The following ZNF804B variants were observed in gnomAD, a reference collection of about 807,000 sequenced individuals.
ZNF804B encodes zinc finger protein 804B.
Under a neutral mutation model 101.4 loss-of-function variants are expected in ZNF804B, and 80 were observed. The ratio of observed to expected loss-of-function variants is 0.79; its 90% CI spans 0.66 to 0.95. The LOEUF (loss-of-function observed/expected upper bound fraction) is 0.95. Among genes scored for constraint, ZNF804B ranks in the 40% least tolerant of loss-of-function variants. The pLI is 0.00. For synonymous variants in ZNF804B, 622 were observed against 558.8 expected, an observed-to-expected ratio of 1.11 and a Z score of -1.59; for missense variants, 1,673 against 1,561.9, an observed-to-expected ratio of 1.07 and a Z score of -1.20.
At chr7:89,067,774 T>C (rs955884695) in intron 1 of ZNF804B, among the ~76,000 whole-genome samples, 2 of 152,112 alleles carry the variant, frequency 1.3e-5, no homozygotes, top group Middle Eastern at 3.4e-3. Context: ...TCATATTCTA[T>C]CTGTGTGACT....
chr7:89,074,534 T>C (rs1789587952), intron 1 of ZNF804B, among the ~76,000 whole-genome samples: 1 of 152,206 alleles, frequency 6.6e-6, no homozygotes, highest in South Asian at 2.1e-4. Flanking sequence ...CTCCTCCTTG[T>C]CTTCCACCAC....
intron 1 of ZNF804B, among the ~76,000 whole-genome samples, chr7:89,009,532 C>G (rs1389821403): frequency 6.6e-6 from 1 of 152,156 alleles, no homozygotes; most frequent in Non-Finnish European, 1.5e-5. Flanking sequence ...TGTGTCCCCT[C>G]AAGTTCAAAT....
In ZNF804B at chr7:88,873,324, T is replaced by G. The variant is rs184989510; in HGVS notation, c.108+113240T>G. Among the ~76,000 whole-genome samples the G allele has an allele frequency of 3.7e-3, 560 of 152,302 alleles. 4 individuals carry two copies. Among genetic ancestry groups the G allele is most frequent in the Admixed American group, 6.0e-3 (92 of 15,298 alleles). ...ACACTTTTTGATGGGGTTGTTTGAT[T>G]TTTCTTGTAAATTTGTTTGAGTTCA... On this transcript the variant is annotated intron_variant, in intron 1 of 3. Transcript: ENST00000333190.
intron 1 of ZNF804B, among the ~76,000 whole-genome samples, chr7:89,194,745 G>A (rs1219044085): frequency 6.6e-6 from 1 of 151,122 alleles, no homozygotes; most frequent in African/African-American, 2.4e-5. Context: ...GTCAGGTAGT[G>A]TGATGCCTCC....
intron 1 of ZNF804B, among the ~76,000 whole-genome samples, chr7:89,093,352 C>G (rs1416936011): frequency 6.6e-6 from 1 of 152,194 alleles, no homozygotes; most frequent in Non-Finnish European, 1.5e-5. Flanking sequence ...TTTCCCTTTT[C>G]CTCTACCCTT....
intron 1 of ZNF804B, among the ~76,000 whole-genome samples, chr7:89,032,494 CTTTCT>C (rs989167808): frequency 1.6e-4 from 25 of 152,142 alleles, no homozygotes; most frequent in African/African-American, 6.0e-4. Context: ...GGTTTACTTA[CTTTCT>C]TTTCTTCATT....
intron 1 of ZNF804B, among the ~76,000 whole-genome samples, chr7:89,122,577 G>C (rs918763379): frequency 6.6e-6 from 1 of 151,984 alleles, no homozygotes; most frequent in African/African-American, 2.4e-5. Context: ...CTTGTCCTGC[G>C]GTTGCTGTTG....
intron 1 of ZNF804B, among the ~76,000 whole-genome samples, chr7:89,155,344 C>T (rs1790942075): frequency 6.6e-6 from 1 of 152,090 alleles, no homozygotes; most frequent in South Asian, 2.1e-4. Context: ...TTCGAACAGC[C>T]TCTAATTTTA....
chr7:89,018,591 ATTG>A lies in ZNF804B; in HGVS notation c.109-199561_109-199559del, dbSNP rs1035248087. 2.6e-5 allele frequency among the ~76,000 whole-genome samples: 4 copies of A among 152,080 alleles called. No individual in the cohort carries two copies. In the South Asian group the frequency reaches 6.2e-4, roughly 24 times the overall value. ...CAATTTTTGGAATCGTTTGAGAAGA[ATTG>A]TTATTAGTTTTTCAAAATTTTGATA... On this transcript the variant is annotated intron_variant, in intron 1 of 3. Coordinates refer to ENST00000333190, the MANE Select transcript of ZNF804B (RefSeq NM_181646.5).
At chr7:89,088,495 A>G (rs1789839174) in intron 1 of ZNF804B, among the ~76,000 whole-genome samples, 2 of 151,572 alleles carry the variant, frequency 1.3e-5, no homozygotes, top group Non-Finnish European at 2.9e-5. Context: ...AAAGCAATGT[A>G]TTGTGAGTCA....
chr7:88,961,765 G>A (rs1472306707), intron 1 of ZNF804B, among the ~76,000 whole-genome samples: 2 of 151,246 alleles, frequency 1.3e-5, no homozygotes, highest in African/African-American at 4.8e-5. Flanking sequence ...AAAAAGTAAA[G>A]AAAAATGATG....
At chr7:89,081,664 T>C (rs1158084012) in intron 1 of ZNF804B, among the ~76,000 whole-genome samples, 2 of 151,716 alleles carry the variant, frequency 1.3e-5, no homozygotes, top group South Asian at 2.1e-4. Context: ...ATCTCTAACA[T>C]AGACATCTTT....
intron 1 of ZNF804B, among the ~76,000 whole-genome samples, chr7:89,199,874 T>C (rs1175045249): frequency 6.7e-6 from 1 of 148,408 alleles, no homozygotes; most frequent in Non-Finnish European, 1.5e-5. Context: ...ATTATATATG[T>C]AGTATATTAT....
rs148150351 is a variant in ZNF804B at position 89,023,930 on chromosome 7, G to A, written c.109-194225G>A. Among the ~76,000 whole-genome samples the A allele has an allele frequency of 1.8e-3, 267 of 152,282 alleles. 2 individuals carry two copies. The highest frequency in any genetic ancestry group is 3.4e-3 in the Middle Eastern group (1 of 294). ...TGATAATAAATTACAATGAAACCAA[G>A]CTGACATAGAATTCCTAGCTTGCTA... On this transcript the variant is annotated intron_variant, in intron 1 of 3. Transcript: ENST00000333190.
intron 1 of ZNF804B, among the ~76,000 whole-genome samples, chr7:88,895,585 T>C (rs928595200): frequency 4.6e-5 from 7 of 152,182 alleles, no homozygotes; most frequent in African/African-American, 1.7e-4. Flanking sequence ...AATACCATCC[T>C]CCAACGAAAG....
chr7:89,046,858 A>G (rs1789116946), intron 1 of ZNF804B, among the ~76,000 whole-genome samples: 2 of 152,036 alleles, frequency 1.3e-5, no homozygotes, highest in Non-Finnish European at 2.9e-5. Context: ...AATATAATCA[A>G]TTATATCACT....
chr7:89,289,116 T>C (rs1584106966), intron 2 of ZNF804B, among the ~76,000 whole-genome samples: 1 of 151,542 alleles, frequency 6.6e-6, no homozygotes, highest in Non-Finnish European at 1.5e-5. Flanking sequence ...GGAGGTAAAA[T>C]GTAACGATAA....
At chr7:89,123,763 A>G (rs553580689) in intron 1 of ZNF804B, among the ~76,000 whole-genome samples, 1 of 152,272 alleles carries the variant, frequency 6.6e-6, no homozygotes, top group East Asian at 1.9e-4. Flanking sequence ...ACTGAGACAG[A>G]GAGGATGAGT....
At chr7:89,179,643 C>G (rs559283176) in intron 1 of ZNF804B, among the ~76,000 whole-genome samples, 1 of 152,092 alleles carries the variant, frequency 6.6e-6, no homozygotes, top group African/African-American at 2.4e-5. Flanking sequence ...GTCACTGGTG[C>G]CTTACTTGGT....
Sources: allele counts gnomAD v4.1 joint callset (sites outside exome capture counted in the v4.1 genomes callset), GRCh38; gene constraint gnomAD v4.1.1; transcripts MANE v1.5; gene names NCBI Gene and HGNC (gene_info 2026-07-23, HGNC 2026-07-21).